ARHGAP12: variants seen among roughly 807,000 people sequenced by gnomAD.
ARHGAP12 encodes the protein rho GTPase-activating protein 12.
In ARHGAP12, 64 loss-of-function variants were observed where a neutral mutation model predicts 108.6. The observed-to-expected ratio is 0.59, with a 90% CI of 0.48 to 0.73. ARHGAP12 has a LOEUF of 0.73. Among genes scored for constraint, ARHGAP12 ranks in the 30% least tolerant of loss-of-function variants. ARHGAP12 has a pLI of 0.00. For missense variants in ARHGAP12, 940 were observed against 1,005.9 expected, an observed-to-expected ratio of 0.93 and a Z score of 0.89; for synonymous variants, 312 against 337.2, an observed-to-expected ratio of 0.93 and a Z score of 0.82.
intron 3 of ARHGAP12, among the ~76,000 whole-genome samples, chr10:31,896,172 G>C (rs1400836896): frequency 1.3e-5 from 2 of 151,828 alleles, no homozygotes; most frequent in East Asian, 3.9e-4. Context: ...ACACCAACAT[G>C]GCCCATGTAT....
intron 3 of ARHGAP12, among the ~76,000 whole-genome samples, chr10:31,868,611 G>T (rs552407184): frequency 6.6e-6 from 1 of 152,254 alleles, no homozygotes; most frequent in South Asian, 2.1e-4. Flanking sequence ...GGGGTGGCAA[G>T]TGGTGATAGT....
chr10:31,853,250 G>C (rs554167851), intron 5 of ARHGAP12, among the ~76,000 whole-genome samples: 1 of 152,276 alleles, frequency 6.6e-6, no homozygotes, highest in South Asian at 2.1e-4. Context: ...TTGAGAAATT[G>C]ACAAAAGAGA....
At chr10:31,824,400 AATTC>A (rs1436457871) in intron 11 of ARHGAP12, among the ~76,000 whole-genome samples, 10 of 152,194 alleles carry the variant, frequency 6.6e-5, no homozygotes, top group African/African-American at 9.6e-5. Context: ...TGTAATTAAA[AATTC>A]ATTGAGAATT....
At chr10:31,884,779 C>T (rs867519862) in intron 3 of ARHGAP12, among the ~76,000 whole-genome samples, 2 of 152,144 alleles carry the variant, frequency 1.3e-5, no homozygotes, top group African/African-American at 4.8e-5. Context: ...AATATCACCA[C>T]TGCTTTCATG....
intron 9 of ARHGAP12, among the ~76,000 whole-genome samples, chr10:31,838,703 T>C (rs894883650): frequency 9.2e-5 from 14 of 151,792 alleles, no homozygotes; most frequent in Non-Finnish European, 1.9e-4. Flanking sequence ...TTGTGGCGCA[T>C]GCCTGTGATC....
intron 3 of ARHGAP12, among the ~76,000 whole-genome samples, chr10:31,907,468 A>C (rs1175454738): frequency 8.1e-6 from 1 of 124,030 alleles, no homozygotes; most frequent in Non-Finnish European, 1.8e-5. Context: ...CTAAAAAAAA[A>C]AAAAATTTTT....
intron 1 of ARHGAP12, 88 bp from the exon 2 acceptor site, chr10:31,910,651 C>CT (rs1199406949): frequency 1.3e-5 from 2 of 152,058 alleles, no homozygotes; most frequent in Non-Finnish European, 1.5e-5. Flanking sequence ...AAAAGCAAAA[C>CT]TTTTTTTATA....
At chr10:31,912,160 T>G (rs1471583497) in intron 1 of ARHGAP12, among the ~76,000 whole-genome samples, 1 of 152,194 alleles carries the variant, frequency 6.6e-6, no homozygotes, top group Non-Finnish European at 1.5e-5. Context: ...TCACAACTTT[T>G]CAAAATTTTA....
chr10:31,825,656 T>C lies in ARHGAP12; in HGVS notation c.1530+648A>G, dbSNP rs368743574. ...CTATCCCAGCGTTAAGGAGACAATATATACACAATCCTCTGCACTGACAAC... is the reference window on the plus strand; with the variant it reads ...CTATCCCAGCGTTAAGGAGACAATACATACACAATCCTCTGCACTGACAAC... On this transcript the variant is annotated intron_variant, in intron 11 of 19. Transcript: ENST00000344936. Among the ~76,000 whole-genome samples, 15 of 152,286 alleles carry C rather than the reference T, an allele frequency of 9.8e-5. No individual in the cohort carries two copies. In the Middle Eastern group the frequency reaches 0.01, roughly 104 times the overall value.
intron 7 of ARHGAP12, among the ~76,000 whole-genome samples, chr10:31,842,361 T>C (rs1836301313): frequency 6.6e-6 from 1 of 152,060 alleles, no homozygotes; most frequent in Non-Finnish European, 1.5e-5. Context: ...ATCTCAACAC[T>C]AATATATTTT....
intron 11 of ARHGAP12, among the ~76,000 whole-genome samples, chr10:31,823,131 C>T (rs1346840842): frequency 3.9e-5 from 6 of 152,112 alleles, no homozygotes; most frequent in Non-Finnish European, 8.8e-5. Context: ...TTCCCCACTA[C>T]TACGTAAGCT....
intron 9 of ARHGAP12, among the ~76,000 whole-genome samples, chr10:31,834,291 G>A (rs1277439222): frequency 6.6e-6 from 1 of 152,190 alleles, no homozygotes; most frequent in Non-Finnish European, 1.5e-5. Context: ...AATCTCAAAT[G>A]TAATGATACC....
Position 31,894,263 on chromosome 10 carries a change from G to T in ARHGAP12, c.684+13909C>A, listed in dbSNP as rs550076181. Among the ~76,000 whole-genome samples the T allele has an allele frequency of 4.1e-4, 63 of 152,280 alleles. 1 individual carries two copies. The highest frequency in any genetic ancestry group is 2.7e-3 in the South Asian group (13 of 4,824). ...TTCTAGCCAGGGCAATCAGGCAGGA[G>T]AAAGAAATAAAGGGTATTCAATTAG... On this transcript the variant is annotated intron_variant, in intron 3 of 19. Coordinates refer to ENST00000344936, the MANE Select transcript of ARHGAP12 (RefSeq NM_018287.7).
chr10:31,820,191 T>C (rs1370162370), intron 12 of ARHGAP12, among the ~76,000 whole-genome samples, 196 bp downstream of exon 12: 1 of 152,176 alleles, frequency 6.6e-6, no homozygotes, highest in Non-Finnish European at 1.5e-5. Flanking sequence ...TAATATACAG[T>C]CTGAGTTCAA....
At chr10:31,864,234 G>A (rs1837238189) in intron 3 of ARHGAP12, among the ~76,000 whole-genome samples, 1 of 152,062 alleles carries the variant, frequency 6.6e-6, no homozygotes, top group Admixed American at 6.5e-5. Flanking sequence ...GAATTGGCCA[G>A]ATTTTTGATT....
chr10:31,893,812 CAAT>C (rs1264414581), intron 3 of ARHGAP12, among the ~76,000 whole-genome samples: 2 of 152,134 alleles, frequency 1.3e-5, no homozygotes, highest in African/African-American at 4.8e-5. Flanking sequence ...AATTGTAGAC[CAAT>C]ATCCCTGACG....
chr10:31,903,788 G>C lies in ARHGAP12; in HGVS notation c.684+4384C>G, dbSNP rs1005260021. ...TAAAAAAAACCAAACAATCCAATTCGAAAATGGGCAAAAGACATGCAGAAA... is the reference window on the plus strand; with the variant it reads ...TAAAAAAAACCAAACAATCCAATTCCAAAATGGGCAAAAGACATGCAGAAA... On this transcript the variant is annotated intron_variant, in intron 3 of 19. Transcript: ENST00000344936. 5.3e-5 allele frequency among the ~76,000 whole-genome samples: 8 copies of C among 150,020 alleles called. No individual in the cohort carries two copies. In the East Asian group the frequency reaches 1.5e-3, roughly 29 times the overall value.
At chr10:31,867,991 G>C (rs1837394107) in intron 3 of ARHGAP12, among the ~76,000 whole-genome samples, 1 of 152,138 alleles carries the variant, frequency 6.6e-6, no homozygotes, top group Non-Finnish European at 1.5e-5. Flanking sequence ...TCTGAGGTCA[G>C]GAGTTCAAGA....
At chr10:31,846,865 T>C (rs570121765) in intron 6 of ARHGAP12, among the ~76,000 whole-genome samples, 2 of 151,978 alleles carry the variant, frequency 1.3e-5, no homozygotes, top group East Asian at 3.9e-4. Context: ...GTTAGCTCTT[T>C]CGTATTTTCC....
Sources: gnomAD v4.1 joint callset for allele counts (sites outside exome capture counted in the v4.1 genomes callset) on GRCh38, gnomAD v4.1.1 for gene constraint, MANE v1.5 for transcripts, NCBI Gene and HGNC (gene_info 2026-07-23, HGNC 2026-07-21) for gene names.